Variants in ROBO2 observed in about 807,000 individuals in gnomAD.
ROBO2 encodes the protein roundabout guidance receptor 2, also known as roundabout homolog 2.
Under a neutral mutation model 160.8 loss-of-function variants are expected in ROBO2, and 53 were observed. That is an observed-to-expected ratio of 0.33 (90% confidence interval 0.26 to 0.41). The LOEUF is 0.41. ROBO2 is among the 10% of genes least tolerant of loss of function. The pLI is 1.00. For missense variants in ROBO2, 1,577 were observed against 1,722.4 expected, an observed-to-expected ratio of 0.92 and a Z score of 1.49; for synonymous variants, 664 against 611.7, an observed-to-expected ratio of 1.09 and a Z score of -1.26.
chr3:76,291,244 GGCT>G (rs1708787704), intron 2 of ROBO2, among the ~76,000 whole-genome samples: 1 of 151,914 alleles, frequency 6.6e-6, no homozygotes, highest in African/African-American at 2.4e-5. Flanking sequence ...TTCAGGACAG[GGCT>G]TCAGTGTCTT....
chr3:76,747,109 A>G (rs915657432), intron 2 of ROBO2, among the ~76,000 whole-genome samples: 2 of 152,148 alleles, frequency 1.3e-5, no homozygotes, highest in African/African-American at 2.4e-5. Context: ...GCTGCAATAA[A>G]CATATGCGTG....
chr3:76,885,462 A>G (rs73128903), intron 2 of ROBO2, among the ~76,000 whole-genome samples: 11,381 of 152,282 alleles, frequency 0.075, 452 homozygotes, highest in South Asian at 0.15. Context: ...CCGTACAAAA[A>G]TAAAGCTGTT....
At chr3:76,145,467 A>G (rs1257287734) in intron 2 of ROBO2, among the ~76,000 whole-genome samples, 2 of 152,020 alleles carry the variant, frequency 1.3e-5, no homozygotes, top group African/African-American at 4.8e-5. Context: ...TGACTTCAAT[A>G]AATTAACTAT....
At chr3:76,757,851 C>T (rs2108326291) in intron 2 of ROBO2, among the ~76,000 whole-genome samples, 1 of 151,516 alleles carries the variant, frequency 6.6e-6, no homozygotes, top group Middle Eastern at 3.4e-3. Flanking sequence ...AACAGCATCC[C>T]TAGGGGAGTT....
At chr3:76,795,509 C>T (rs1446105611) in intron 2 of ROBO2, among the ~76,000 whole-genome samples, 1 of 152,132 alleles carries the variant, frequency 6.6e-6, no homozygotes, top group Non-Finnish European at 1.5e-5. Context: ...CAAGAAACCA[C>T]TCTCTTTGCT....
At chr3:77,100,305 T>G (rs2071731690) in intron 2 of ROBO2, among the ~76,000 whole-genome samples, 2 of 152,144 alleles carry the variant, frequency 1.3e-5, no homozygotes, top group Non-Finnish European at 2.9e-5. Context: ...AATCCCTTTT[T>G]CTAATGCCAT....
At chr3:77,028,421 T>G (rs557397562) in intron 2 of ROBO2, among the ~76,000 whole-genome samples, 1 of 152,238 alleles carries the variant, frequency 6.6e-6, no homozygotes, top group Non-Finnish European at 1.5e-5. Context: ...TTAACAAAAC[T>G]ATCTGACATC....
At chr3:77,613,402 G>A (rs761280503) in intron 21 of ROBO2, among the ~76,000 whole-genome samples, 1 of 152,102 alleles carries the variant, frequency 6.6e-6, no homozygotes, top group Non-Finnish European at 1.5e-5. Context: ...CAACGAACGA[G>A]TGTAAGTAAG....
chr3:76,241,383 A>T (rs1275645834), intron 2 of ROBO2, among the ~76,000 whole-genome samples: 1 of 152,236 alleles, frequency 6.6e-6, no homozygotes, highest in African/African-American at 2.4e-5. Flanking sequence ...GTGAACAAAC[A>T]CTTACTGGTC....
intron 2 of ROBO2, among the ~76,000 whole-genome samples, chr3:77,282,603 T>C (rs994789560): frequency 1.6e-4 from 24 of 152,230 alleles, no homozygotes; most frequent in African/African-American, 5.5e-4. Context: ...TATTCCCAAA[T>C]CTATCCACAA....
intron 2 of ROBO2, among the ~76,000 whole-genome samples, chr3:76,976,081 TTAGA>T (rs2059803300): frequency 6.6e-6 from 1 of 152,126 alleles, no homozygotes; most frequent in Non-Finnish European, 1.5e-5. Flanking sequence ...GGTGTTTTGG[TTAGA>T]TAGAGAATAA....
chr3:77,579,683 C>G (rs1001159480), intron 15 of ROBO2, among the ~76,000 whole-genome samples: 4 of 152,098 alleles, frequency 2.6e-5, no homozygotes, highest in Admixed American at 2.0e-4. Flanking sequence ...GCATGCAGTG[C>G]TGAGAATAAG....
chr3:76,273,576 C>G (rs1707730804), intron 2 of ROBO2, among the ~76,000 whole-genome samples: 1 of 152,088 alleles, frequency 6.6e-6, no homozygotes, highest in African/African-American at 2.4e-5. Flanking sequence ...CACATGATGG[C>G]AGGCAGAGAA....
intron 2 of ROBO2, among the ~76,000 whole-genome samples, chr3:76,042,124 A>G (rs1576604582): frequency 1.3e-5 from 2 of 152,056 alleles, no homozygotes; most frequent in South Asian, 4.1e-4. Flanking sequence ...GTCATTCTGC[A>G]TCTTTGAGAA....
chr3:76,069,434 G>C (rs1274626739), intron 2 of ROBO2, among the ~76,000 whole-genome samples: 1 of 151,820 alleles, frequency 6.6e-6, no homozygotes, highest in African/African-American at 2.4e-5. Context: ...CACTACACTG[G>C]TATAATCCAC....
intron 2 of ROBO2, among the ~76,000 whole-genome samples, chr3:76,449,216 T>C (rs1010390037): frequency 5.9e-5 from 9 of 152,156 alleles, no homozygotes; most frequent in Admixed American, 2.0e-4. Flanking sequence ...CAGTACATGC[T>C]GTACTGTTAT....
At chr3:76,221,405 T>C (rs1300630101) in intron 2 of ROBO2, among the ~76,000 whole-genome samples, 1 of 151,278 alleles carries the variant, frequency 6.6e-6, no homozygotes, top group Non-Finnish European at 1.5e-5. Flanking sequence ...TGGTGAGCAG[T>C]GCCCCTCTCA....
intron 2 of ROBO2, among the ~76,000 whole-genome samples, chr3:76,250,151 G>GA (rs1705899304): frequency 1.3e-5 from 2 of 152,066 alleles, no homozygotes; most frequent in South Asian, 4.1e-4. Flanking sequence ...CAGTGGTGCA[G>GA]AAAAATATAC....
At chr3:76,889,303 A>G (rs2074158906) in intron 2 of ROBO2, among the ~76,000 whole-genome samples, 1 of 152,202 alleles carries the variant, frequency 6.6e-6, no homozygotes, top group African/African-American at 2.4e-5. Context: ...AAATATAGGC[A>G]TTATTTTTAC....
Sources: allele counts gnomAD v4.1 joint callset (sites outside exome capture counted in the v4.1 genomes callset), GRCh38; gene constraint gnomAD v4.1.1; transcripts MANE v1.5; gene names NCBI Gene and HGNC (gene_info 2026-07-23, HGNC 2026-07-21).